The following SLC26A2 variants were observed in gnomAD, a reference collection of about 807,000 sequenced individuals.
SLC26A2 encodes solute carrier family 26 member 2, also known as sulfate transporter.
In SLC26A2, 36 loss-of-function variants were observed where a neutral mutation model predicts 41.1. That is an observed-to-expected ratio of 0.88 (90% CI 0.67 to 1.16). The LOEUF (loss-of-function observed/expected upper bound fraction) is 1.16, where lower values mean the gene tolerates loss of function less well. Ranked by LOEUF, SLC26A2 falls within the 50% of genes most tolerant of loss-of-function variation. SLC26A2 has a pLI of 0.00. For missense variants in SLC26A2, 796 were observed against 869.6 expected, an observed-to-expected ratio of 0.92 and a Z score of 1.07; for synonymous variants, 291 against 311.6, an observed-to-expected ratio of 0.93 and a Z score of 0.70.
chr5:149,978,206 A>C lies in SLC26A2; in HGVS notation c.554A>C (p.Tyr185Ser). The change falls in exon 2 of 3, where the codon TAT (tyrosine) becomes TCT (serine). Residue 185 changes from tyrosine (Y) to serine (S), a missense_variant. Transcript: ENST00000286298. ...GACCGAGAACTACAGAAAGCTGGCT[A>C]TGACAATGCCCATAGTGCTCCTTCC... ...TVDRELQKAG[Y>S]DNAHSAPSLG... is the part of the protein sequence containing the mutation. The C allele has an allele frequency of 6.2e-7, 1 of 1,614,156 alleles. No homozygotes were observed. Among genetic ancestry groups the C allele is most frequent in the African/African-American group, 1.3e-5 (1 of 75,052 alleles).
intron 2 of SLC26A2, among the ~76,000 whole-genome samples, 178 bp downstream of exon 2, chr5:149,978,529 G>A (rs1581231055): frequency 6.6e-6 from 1 of 152,098 alleles, no homozygotes; most frequent in Admixed American, 6.6e-5. Flanking sequence ...GGTAATATAA[G>A]GCTGGTTCAC....
Position 149,981,723 on chromosome 5 carries a change from T to C in SLC26A2, c.2130T>C (p.Tyr710=). The change falls in exon 3 of 3, where the codon TAT becomes TAC. Residue 710 remains tyrosine (Y), a synonymous_variant. Transcript: ENST00000286298. ...CKKEEENLLF[Y]SVYEAMAFAE... ...AGGAAGAAGAAAACCTTCTCTTCTA[T>C]AGTGTGTATGAAGCGATGGCTTTTG... The C allele has an allele frequency of 6.2e-7, 1 of 1,611,620 alleles. No homozygotes were observed. The highest frequency in any genetic ancestry group is 8.5e-7 in the Non-Finnish European group (1 of 1,179,066).
rs1755083200 is a variant in SLC26A2, at chr5:149,980,788, T to G, written c.1195T>G (p.Ser399Ala). The G allele has an allele frequency of 6.2e-7, 1 of 1,614,080 alleles. No individual in the cohort carries two copies. Residue 399 changes from serine to alanine, a missense_variant, in exon 3 of 3, where the codon TCA becomes GCA. Coordinates refer to ENST00000286298, the MANE Select transcript of SLC26A2 (RefSeq NM_000112.4). ...CATCATTGGTTTTGCTATCACTGTA[T>G]CACTTTCTGAGATGTTTGCCAAGAA... is the stretch of plus-strand genomic sequence containing the variant. The part of the protein sequence containing the change: ...ISIIGFAITV[S>A]LSEMFAKKHG...
intron 1 of SLC26A2, among the ~76,000 whole-genome samples, chr5:149,975,785 G>T (rs1399295207): frequency 1.3e-5 from 2 of 152,152 alleles, no homozygotes; most frequent in Non-Finnish European, 2.9e-5. Flanking sequence ...GTTTGGTAAC[G>T]TAAGGTTTAT....
chr5:149,975,564 G>C (rs1754979323), intron 1 of SLC26A2, among the ~76,000 whole-genome samples: 1 of 152,194 alleles, frequency 6.6e-6, no homozygotes, highest in Admixed American at 6.5e-5. Context: ...TCACAGACTG[G>C]TTGCATTGTA....
intron 1 of SLC26A2, among the ~76,000 whole-genome samples, chr5:149,967,126 GCACT>G (rs1372708479): frequency 1.3e-5 from 2 of 152,216 alleles, no homozygotes; most frequent in Admixed American, 6.5e-5. Flanking sequence ...TCATGCCACT[GCACT>G]CCAGTCTGAG....
chr5:149,968,755 G>T (rs1754850154), intron 1 of SLC26A2, among the ~76,000 whole-genome samples: 1 of 144,988 alleles, frequency 6.9e-6, no homozygotes, highest in Non-Finnish European at 1.5e-5. Flanking sequence ...CTCTCGGTCT[G>T]TTGCCGCAGC....
chr5:149,961,713 C>T (rs1052837714), intron 1 of SLC26A2, among the ~76,000 whole-genome samples: 1 of 152,068 alleles, frequency 6.6e-6, no homozygotes, highest in African/African-American at 2.4e-5. Flanking sequence ...CTCCTTGTCC[C>T]CAACAGTTCT....
chr5:149,970,502 T>A (rs1418979268), intron 1 of SLC26A2, among the ~76,000 whole-genome samples: 1 of 151,886 alleles, frequency 6.6e-6, no homozygotes, highest in Admixed American at 6.6e-5. Context: ...CAGAGTGAGA[T>A]CCTGTCACTA....
intron 1 of SLC26A2, among the ~76,000 whole-genome samples, chr5:149,975,363 A>G (rs1754976013): frequency 6.6e-6 from 1 of 152,012 alleles, no homozygotes; most frequent in Non-Finnish European, 1.5e-5. Context: ...TTCTATGTGA[A>G]TTTTTATCTA....
rs1755113913 is a variant in SLC26A2, at chr5:149,981,875, C to T, written c.*62C>T. 2.2e-6 allele frequency: 3 copies of T among 1,336,366 alleles called. No homozygotes were observed. In the South Asian group the frequency reaches 3.7e-5, roughly 16 times the overall value. The allele number at this position is 1,336,366 out of a possible 1,614,324, so 82.8% of individuals were successfully genotyped here. ...TTAAAATTTCAAGTGTCCAACATTT[C>T]CCAGTTCCACAGTGGGAAATTTTGC... On this transcript the variant is annotated 3_prime_UTR_variant, in exon 3 of 3. Coordinates refer to ENST00000286298, the MANE Select transcript of SLC26A2 (RefSeq NM_000112.4).
chr5:149,985,474 A>G lies in SLC26A2; in HGVS notation c.*3661A>G, dbSNP rs1755182618. On this transcript the variant is annotated 3_prime_UTR_variant, in exon 3 of 3. Coordinates refer to ENST00000286298, the MANE Select transcript of SLC26A2 (RefSeq NM_000112.4). ...TAGATGAGTTCATTAGACTCTTTTAATGCTAATGGCTAGTACGTTTAAACA... is the reference window on the plus strand; with the variant it reads ...TAGATGAGTTCATTAGACTCTTTTAGTGCTAATGGCTAGTACGTTTAAACA... 6.6e-6 allele frequency: 1 copy of G among 152,166 alleles called. No individual in the cohort carries two copies. The highest frequency in any genetic ancestry group is 6.5e-5 in the Admixed American group (1 of 15,274). 9.4% of individuals were successfully genotyped at this position (152,166 alleles called of 1,614,324 possible).
At chr5:149,968,559 C>T (rs1488703262) in intron 1 of SLC26A2, among the ~76,000 whole-genome samples, 5 of 150,162 alleles carry the variant, frequency 3.3e-5, no homozygotes, top group East Asian at 2.0e-4. Context: ...TACAGGCGCC[C>T]GCCACCATGC....
chr5:149,981,950 T>C lies in SLC26A2; in HGVS notation c.*137T>C. The stretch of plus-strand genomic sequence containing the variant: ...CTAGATATTATTCCTCCTTTGAAGC[T>C]AATGGCATTTGTATATACACACTGC... On this transcript the variant is annotated 3_prime_UTR_variant, in exon 3 of 3. Coordinates refer to ENST00000286298, the MANE Select transcript of SLC26A2 (RefSeq NM_000112.4). The C allele has an allele frequency of 6.2e-6, 4 of 646,842 alleles. No individual in the cohort carries two copies. The highest frequency in any genetic ancestry group is 1.1e-5 in the Non-Finnish European group (4 of 373,900). 40.1% of individuals were successfully genotyped at this position (646,842 alleles called of 1,614,324 possible). A position where few individuals can be genotyped will look rare whatever the true frequency, so the allele number is the denominator to read the frequency against.
rs1581234604 is a variant in SLC26A2 at position 149,986,650 on chromosome 5, G to T, written c.*4837G>T. On this transcript the variant is annotated 3_prime_UTR_variant, in exon 3 of 3. Transcript: ENST00000286298. ...TCTCTGGTGTGTATTTTTTATCTCA[G>T]TGTTGAAAATTGGAAAAGAATGGAC... 1.3e-5 allele frequency: 2 copies of T among 152,296 alleles called. No individual in the cohort carries two copies. Among genetic ancestry groups the T allele is most frequent in the Middle Eastern group, 6.8e-3 (2 of 294 alleles). 9.4% of individuals were successfully genotyped at this position (152,296 alleles called of 1,614,324 possible).
Position 149,981,092 on chromosome 5 carries a change from A to T in SLC26A2, c.1499A>T (p.Asp500Val), listed in dbSNP as rs749073619. 8 of 1,613,984 alleles carry T rather than the reference A, an allele frequency of 5.0e-6. No homozygotes were observed. Among genetic ancestry groups the T allele is most frequent in the Non-Finnish European group, 6.8e-6 (8 of 1,180,010 alleles). The change falls in exon 3 of 3, where the codon GAT becomes GTT. Residue 500 changes from aspartate to valine, a missense_variant. Transcript: ENST00000286298. Reference sequence around the variant, plus strand: ...CGGGGAGCCCTTCGTAAATTTAGGGATCTTCCCAAAATGTGGAGTATTAGT... The same window carrying T: ...CGGGGAGCCCTTCGTAAATTTAGGGTTCTTCCCAAAATGTGGAGTATTAGT... ...NLRGALRKFRDLPKMWSISRM... is the reference protein window; with the variant it reads ...NLRGALRKFRVLPKMWSISRM...
intron 1 of SLC26A2, among the ~76,000 whole-genome samples, chr5:149,972,425 A>G (rs769154980): frequency 1.1e-4 from 17 of 152,210 alleles, no homozygotes; most frequent in Non-Finnish European, 2.2e-4. Flanking sequence ...TGTTGATATT[A>G]TTACTGGATC....
At chr5:149,970,551 C>T (rs557585282) in intron 1 of SLC26A2, among the ~76,000 whole-genome samples, 6 of 152,172 alleles carry the variant, frequency 3.9e-5, no homozygotes, top group Non-Finnish European at 4.4e-5. Context: ...AGGATGAGAA[C>T]ATACCTGTAT....
In SLC26A2 at chr5:149,981,844, A is replaced by G; in HGVS notation, c.*31A>G. ...AAGGTAGATAGAAGAATGTCTAGCC[A>G]ATAGGTTAAAATTTCAAGTGTCCAA... On this transcript the variant is annotated 3_prime_UTR_variant, in exon 3 of 3. Coordinates refer to ENST00000286298, the MANE Select transcript of SLC26A2 (RefSeq NM_000112.4). 6.5e-7 allele frequency: 1 copy of G among 1,537,118 alleles called. No individual in the cohort carries two copies. The highest frequency in any genetic ancestry group is 9.0e-7 in the Non-Finnish European group (1 of 1,115,476).
Sources: gnomAD v4.1 joint callset for allele counts (sites outside exome capture counted in the v4.1 genomes callset) on GRCh38, gnomAD v4.1.1 for gene constraint, MANE v1.5 for transcripts, NCBI Gene and HGNC (gene_info 2026-07-23, HGNC 2026-07-21) for gene names.